Variants in FBXO34 observed in about 807,000 individuals in gnomAD.
FBXO34 encodes F-box only protein 34.
FBXO34 carries 12 observed loss-of-function variants against 24.5 expected under a neutral mutation model. The ratio of observed to expected loss-of-function variants is 0.49; its 90% CI spans 0.31 to 0.79. The LOEUF (loss-of-function observed/expected upper bound fraction) is 0.79. Ranked by LOEUF, FBXO34 falls within the 30% of genes least tolerant of loss-of-function variation. The pLI is 0.04. For missense variants in FBXO34, 823 were observed against 857.7 expected, an observed-to-expected ratio of 0.96 and a Z score of 0.51; for synonymous variants, 320 against 311.9, an observed-to-expected ratio of 1.03 and a Z score of -0.27.
intron 1 of FBXO34, among the ~76,000 whole-genome samples, chr14:55,296,382 G>GTGTTT (rs1882122432): frequency 1.0e-5 from 1 of 95,782 alleles, no homozygotes; most frequent in Non-Finnish European, 2.1e-5. Context: ...CTGTTCTTGT[G>GTGTTT]TTTTTTTTGT....
intron 1 of FBXO34, among the ~76,000 whole-genome samples, chr14:55,310,301 C>A (rs552302144): frequency 5.3e-5 from 8 of 152,066 alleles, no homozygotes; most frequent in Non-Finnish European, 7.4e-5. Context: ...TGCAAATTGG[C>A]AAAATTTAAT....
the FBXO34 span, among the ~76,000 whole-genome samples, chr14:55,419,318 C>G: frequency 6.6e-6 from 1 of 152,222 alleles, no homozygotes; most frequent in Non-Finnish European, 1.5e-5. Flanking sequence ...TAACCAGACC[C>G]CATGTGAAAG....
intron 1 of FBXO34, among the ~76,000 whole-genome samples, chr14:55,295,387 A>ATTTTTTTTTTTTT (rs3051307): frequency 2.3e-4 from 21 of 91,362 alleles, no homozygotes; most frequent in South Asian, 3.5e-4. Context: ...ATTCTTTTCT[A>ATTTTTTTTTTTTT]TTTTTTTTTT....
intron 1 of FBXO34, among the ~76,000 whole-genome samples, chr14:55,328,122 A>G (rs1034656781): frequency 6.6e-6 from 1 of 150,984 alleles, no homozygotes; most frequent in Non-Finnish European, 1.5e-5. Context: ...ATGATCGGCT[A>G]ATTTTTTTGT....
At chr14:55,379,825 C>A in the FBXO34 span, among the ~76,000 whole-genome samples, 2 of 152,180 alleles carry the variant, frequency 1.3e-5, no homozygotes, top group African/African-American at 2.4e-5. Flanking sequence ...CGGATTCAAG[C>A]GATTCTTCTG....
chr14:55,439,614 A>ACCCCCCCCCCCCCCC, the FBXO34 span, among the ~76,000 whole-genome samples: 1 of 84,510 alleles, frequency 1.2e-5, no homozygotes, highest in Non-Finnish European at 2.5e-5. Context: ...AGAAAAGCAA[A>ACCCCCCCCCCCCCCC]CCCCCCCCCG....
At chr14:55,310,616 C>T (rs773726412) in intron 1 of FBXO34, among the ~76,000 whole-genome samples, 2 of 152,080 alleles carry the variant, frequency 1.3e-5, no homozygotes, top group African/African-American at 2.4e-5. Flanking sequence ...TTTCTTCATG[C>T]CTGCCTGCCT....
chr14:55,429,392 T>C, the FBXO34 span, among the ~76,000 whole-genome samples: 1 of 152,194 alleles, frequency 6.6e-6, no homozygotes, highest in African/African-American at 2.4e-5. Context: ...ATCTGTCTTT[T>C]AACAAGCCCT....
chr14:55,399,257 TATTTAA>T, the FBXO34 span, among the ~76,000 whole-genome samples: 1 of 152,246 alleles, frequency 6.6e-6, no homozygotes, highest in Non-Finnish European at 1.5e-5. Context: ...ATAATGTGAC[TATTTAA>T]ATTTAAATTA....
intron 1 of FBXO34, among the ~76,000 whole-genome samples, chr14:55,301,405 C>G (rs899450262): frequency 6.6e-6 from 1 of 150,696 alleles, no homozygotes; most frequent in Non-Finnish European, 1.5e-5. Flanking sequence ...CCACTGCACT[C>G]TAGCCTGGGT....
At chr14:55,379,642 T>A in the FBXO34 span, among the ~76,000 whole-genome samples, 10 of 152,368 alleles carry the variant, frequency 6.6e-5, no homozygotes, top group African/African-American at 2.4e-4. Context: ...TGTTTATATA[T>A]GCTTGAAATG....
the FBXO34 span, among the ~76,000 whole-genome samples, chr14:55,415,942 A>G: frequency 1.3e-5 from 2 of 152,224 alleles, no homozygotes; most frequent in East Asian, 3.8e-4. Flanking sequence ...ATGCTACAAC[A>G]TATAGCATGT....
the FBXO34 span, among the ~76,000 whole-genome samples, chr14:55,393,252 G>C: frequency 6.6e-6 from 1 of 152,084 alleles, no homozygotes; most frequent in African/African-American, 2.4e-5. Context: ...GGGCGTGGTG[G>C]TGGGCGCCTG....
chr14:55,378,376 A>G, the FBXO34 span, among the ~76,000 whole-genome samples: 1 of 152,246 alleles, frequency 6.6e-6, no homozygotes, highest in African/African-American at 2.4e-5. Flanking sequence ...TTGAAGCATC[A>G]ACAGCAGACT....
At chr14:55,442,045 G>A in the FBXO34 span, among the ~76,000 whole-genome samples, 12 of 151,576 alleles carry the variant, frequency 7.9e-5, no homozygotes, top group South Asian at 2.1e-4. Flanking sequence ...TGACAGGCAC[G>A]AGCCACCGTG....
downstream of FBXO34, among the ~76,000 whole-genome samples, chr14:55,372,306 T>TC (rs3831294): frequency 0.28 from 42,905 of 151,850 alleles, 6,655 homozygotes; most frequent in Non-Finnish European, 0.34. Flanking sequence ...CCCATCTGCC[T>TC]CCTCTTGCTG....
the FBXO34 span, among the ~76,000 whole-genome samples, chr14:55,427,776 T>C: frequency 6.6e-6 from 1 of 151,856 alleles, no homozygotes; most frequent in Non-Finnish European, 1.5e-5. Flanking sequence ...GCTAGAGATA[T>C]TCCCTAGGAA....
At chr14:55,331,471 G>C (rs1883529709) in intron 1 of FBXO34, among the ~76,000 whole-genome samples, 1 of 150,280 alleles carries the variant, frequency 6.7e-6, no homozygotes, top group Non-Finnish European at 1.5e-5. Flanking sequence ...CAGCTATAAA[G>C]AGCAAATAAA....
intron 1 of FBXO34, among the ~76,000 whole-genome samples, chr14:55,315,845 T>C (rs1445319968): frequency 6.6e-6 from 1 of 152,226 alleles, no homozygotes; most frequent in African/African-American, 2.4e-5. Flanking sequence ...TGAGGAATCC[T>C]TTCCATCATT....
Sources: gnomAD v4.1 joint callset for allele counts (sites outside exome capture counted in the v4.1 genomes callset) on GRCh38, gnomAD v4.1.1 for gene constraint, MANE v1.5 for transcripts, NCBI Gene and HGNC (gene_info 2026-07-23, HGNC 2026-07-21) for gene names.